Variants in TLL1 observed in about 807,000 individuals in gnomAD.
TLL1 encodes tolloid like 1.
Under a neutral mutation model 128.2 loss-of-function variants are expected in TLL1, and 49 were observed. The ratio of observed to expected loss-of-function variants is 0.38; its 90% CI spans 0.30 to 0.48. The LOEUF is 0.48. Ranked by LOEUF, TLL1 falls within the 20% of genes least tolerant of loss-of-function variation. The pLI, the probability that TLL1 is intolerant of heterozygous loss-of-function variation, is 0.96. For synonymous variants in TLL1, 454 were observed against 418.8 expected (o/e 1.08, Z -1.03); for missense variants, 1,123 against 1,242.0 (o/e 0.90, Z 1.44).
intron 1 of TLL1, among the ~76,000 whole-genome samples, chr4:165,891,829 A>C (rs1316695105): frequency 6.6e-6 from 1 of 152,132 alleles, no homozygotes; most frequent in Non-Finnish European, 1.5e-5. Context: ...GAGCCTTCCA[A>C]CTTCTGCCAG....
At chr4:166,065,909 G>A in intron 16 of TLL1, 46 bp downstream of exon 16, 1 of 1,290,018 alleles carries the variant, frequency 7.8e-7, no homozygotes, top group Non-Finnish European at 1.0e-6. Context: ...GATTTTCAAT[G>A]TGGGTTGGAT....
At chr4:165,993,703 A>C (rs1051102156) in intron 3 of TLL1, among the ~76,000 whole-genome samples, 3 of 152,114 alleles carry the variant, frequency 2.0e-5, no homozygotes. Context: ...CAACAAAAAT[A>C]TTATGAAAGG....
chr4:166,089,965 A>G (rs1447473119), intron 18 of TLL1, among the ~76,000 whole-genome samples: 1 of 152,006 alleles, frequency 6.6e-6, no homozygotes, highest in Non-Finnish European at 1.5e-5. Context: ...GTAGTGTGGT[A>G]TGGAATAGAC....
chr4:165,882,269 C>T lies in TLL1; in HGVS notation c.169+8196C>T, dbSNP rs77204447. Among the ~76,000 whole-genome samples, 1,124 of 152,122 alleles carry T rather than the reference C, an allele frequency of 7.4e-3. 17 individuals carry two copies. The East Asian group carries it at 0.079, about 11-fold the overall frequency. Reference sequence around the variant, plus strand: ...TATACCATATGTAATATTTACTATACGGGTATTATAATTTTTTTGAAGAAA... The same window carrying T: ...TATACCATATGTAATATTTACTATATGGGTATTATAATTTTTTTGAAGAAA... On this transcript the variant is annotated intron_variant, in intron 1 of 20. Transcript: ENST00000061240.
intron 1 of TLL1, among the ~76,000 whole-genome samples, chr4:165,917,057 T>C (rs1234943242): frequency 6.6e-6 from 1 of 152,124 alleles, no homozygotes; most frequent in African/African-American, 2.4e-5. Flanking sequence ...TATGTAGTAT[T>C]TACGGCTTAA....
chr4:166,057,091 G>C, intron 13 of TLL1, 93 bp from the exon 14 acceptor site: 1 of 1,443,898 alleles, frequency 6.9e-7, no homozygotes, highest in Non-Finnish European at 9.7e-7. Context: ...TATCATTCAA[G>C]GTGAGATTTG....
At chr4:166,019,175 C>T (rs1036184113) in intron 8 of TLL1, among the ~76,000 whole-genome samples, 2 of 152,082 alleles carry the variant, frequency 1.3e-5, no homozygotes, top group Non-Finnish European at 2.9e-5. Context: ...GAGCTGGAGG[C>T]CATAATCCTA....
chr4:165,889,110 G>A lies in TLL1; in HGVS notation c.169+15037G>A, dbSNP rs115261827. Among the ~76,000 whole-genome samples the A allele has an allele frequency of 1.6e-3, 237 of 152,242 alleles. 2 individuals carry two copies. Among genetic ancestry groups the A allele is most frequent in the African/African-American group, 5.1e-3 (214 of 41,566 alleles). ...TATTGAGTTATGCAGGAAGCTCAGC[G>A]CCAGTACCTAGTCTGTCATTGTGAC... On this transcript the variant is annotated intron_variant, in intron 1 of 20. Coordinates refer to ENST00000061240, the MANE Select transcript of TLL1 (RefSeq NM_012464.5).
intron 1 of TLL1, among the ~76,000 whole-genome samples, chr4:165,950,082 A>G (rs1050841477): frequency 2.0e-5 from 3 of 152,274 alleles, no homozygotes; most frequent in Admixed American, 6.5e-5. Context: ...TGGAAAAAAT[A>G]TACCACACAA....
At chr4:166,054,674 A>G (rs1427121426) in intron 12 of TLL1, among the ~76,000 whole-genome samples, 1 of 150,306 alleles carries the variant, frequency 6.7e-6, no homozygotes, top group Non-Finnish European at 1.5e-5. Flanking sequence ...CAATTTTTAT[A>G]ACTATGATTC....
rs1299218853 is a variant in TLL1, at chr4:166,103,328, CAAT to C, written c.*2453_*2455del. 1.3e-5 allele frequency: 2 copies of C among 151,184 alleles called. No individual in the cohort carries two copies. Among genetic ancestry groups the C allele is most frequent in the East Asian group, 4.2e-4 (2 of 4,732 alleles). The allele number at this position is 151,184 out of a possible 1,614,324, so 9.4% of individuals were successfully genotyped here. Reference sequence around the variant, plus strand: ...AAGAACAGCATGAAATTTAGAATACCAATGATAGCTATCTTTAAGAATCAGAAT... The same window carrying C: ...AAGAACAGCATGAAATTTAGAATACCGATAGCTATCTTTAAGAATCAGAAT... On this transcript the variant is annotated 3_prime_UTR_variant, in exon 21 of 21. Transcript: ENST00000061240.
intron 1 of TLL1, among the ~76,000 whole-genome samples, chr4:165,924,244 G>C (rs1008077118): frequency 6.6e-6 from 1 of 152,156 alleles, no homozygotes; most frequent in Non-Finnish European, 1.5e-5. Flanking sequence ...TATGTCCAAA[G>C]CCGAGATAGG....
intron 8 of TLL1, among the ~76,000 whole-genome samples, chr4:166,019,709 C>T (rs1220192786): frequency 6.6e-6 from 1 of 152,088 alleles, no homozygotes; most frequent in East Asian, 1.9e-4. Flanking sequence ...CTGAACTTTA[C>T]TAAATGATAT....
intron 1 of TLL1, among the ~76,000 whole-genome samples, chr4:165,963,124 C>T (rs1194044713): frequency 8.0e-6 from 1 of 124,530 alleles, no homozygotes; most frequent in African/African-American, 3.2e-5. Flanking sequence ...AAGATGGGAA[C>T]AATAGATCAA....
chr4:166,067,888 T>C (rs1740639120), intron 16 of TLL1, among the ~76,000 whole-genome samples: 1 of 151,796 alleles, frequency 6.6e-6, no homozygotes, highest in South Asian at 2.1e-4. Flanking sequence ...ACAGAGCATT[T>C]AAACCTAGTA....
intron 9 of TLL1, among the ~76,000 whole-genome samples, chr4:166,033,407 A>C (rs1738861441): frequency 6.6e-6 from 1 of 152,154 alleles, no homozygotes; most frequent in Non-Finnish European, 1.5e-5. Context: ...ATTAGAGACA[A>C]ATTTATGGAA....
intron 1 of TLL1, among the ~76,000 whole-genome samples, chr4:165,951,531 C>CA (rs536291957): frequency 1.2e-4 from 19 of 152,096 alleles, no homozygotes; most frequent in Non-Finnish European, 2.5e-4. Context: ...TGGCTACATT[C>CA]AAGAAGGTCT....
chr4:165,926,982 T>C (rs1348411121), intron 1 of TLL1, among the ~76,000 whole-genome samples: 1 of 152,204 alleles, frequency 6.6e-6, no homozygotes, highest in Non-Finnish European at 1.5e-5. Flanking sequence ...AAGTACTAGC[T>C]CTGGCCATTG....
At chr4:165,913,968 A>T (rs1232306929) in intron 1 of TLL1, among the ~76,000 whole-genome samples, 1 of 151,938 alleles carries the variant, frequency 6.6e-6, no homozygotes, top group Non-Finnish European at 1.5e-5. Context: ...GTGAGCCATG[A>T]TGGCACCTGC....
Sources: gnomAD v4.1 joint callset for allele counts (sites outside exome capture counted in the v4.1 genomes callset) on GRCh38, gnomAD v4.1.1 for gene constraint, MANE v1.5 for transcripts, NCBI Gene and HGNC (gene_info 2026-07-23, HGNC 2026-07-21) for gene names.